Variants in HCN1 observed in about 807,000 individuals in gnomAD.
HCN1 encodes hyperpolarization activated cyclic nucleotide gated potassium channel 1, also known as potassium/sodium hyperpolarization-activated cyclic nucleotide-gated channel 1.
In HCN1, 13 loss-of-function variants were observed where a neutral mutation model predicts 78.9. That is an observed-to-expected ratio of 0.16 (90% CI 0.11 to 0.26). The LOEUF (loss-of-function observed/expected upper bound fraction) is 0.26. HCN1 is among the 10% of genes least tolerant of loss of function. The pLI is 1.00. For synonymous variants in HCN1, 552 were observed against 455.5 expected, an observed-to-expected ratio of 1.21 and a Z score of -2.70; for missense variants, 810 against 1,154.3, an observed-to-expected ratio of 0.70 and a Z score of 4.32.
At chr5:45,362,457 CTTCT>C (rs1747134844) in intron 4 of HCN1, among the ~76,000 whole-genome samples, 1 of 152,066 alleles carries the variant, frequency 6.6e-6, no homozygotes, top group African/African-American at 2.4e-5. Context: ...ATTTTTTCTC[CTTCT>C]GTCTTTATTT....
At chr5:45,597,936 C>T (rs1180935555) in intron 2 of HCN1, among the ~76,000 whole-genome samples, 2 of 152,250 alleles carry the variant, frequency 1.3e-5, no homozygotes, top group East Asian at 3.9e-4. Context: ...AATGGAAGAA[C>T]ATTCCATGCT....
chr5:45,355,610 C>A (rs534943210), intron 4 of HCN1, among the ~76,000 whole-genome samples: 29 of 152,046 alleles, frequency 1.9e-4, no homozygotes, highest in South Asian at 6.2e-4. Flanking sequence ...ATCCTAATGC[C>A]TCTATGTAGG....
chr5:45,418,163 G>A lies in HCN1; in HGVS notation c.1012-21453C>T, dbSNP rs139311521. On this transcript the variant is annotated intron_variant, in intron 3 of 7. Coordinates refer to ENST00000303230, the MANE Select transcript of HCN1 (RefSeq NM_021072.4). The stretch of plus-strand genomic sequence containing the variant: ...TATCAATAGATACAAATGCATTTTC[G>A]TTATTTATCTTTTAATCTTGTCTTG... 3.4e-4 allele frequency among the ~76,000 whole-genome samples: 52 copies of A among 151,672 alleles called. No individual in the cohort carries two copies. In the East Asian group the frequency reaches 3.5e-3, roughly 10 times the overall value.
chr5:45,491,219 T>A (rs1353573562), intron 2 of HCN1, among the ~76,000 whole-genome samples: 1 of 152,110 alleles, frequency 6.6e-6, no homozygotes, highest in Non-Finnish European at 1.5e-5. Flanking sequence ...ATTTTGGAAA[T>A]AAATTTTATA....
intron 2 of HCN1, among the ~76,000 whole-genome samples, chr5:45,471,491 TA>T (rs1175109936): frequency 6.6e-6 from 1 of 151,928 alleles, no homozygotes; most frequent in African/African-American, 2.4e-5. Flanking sequence ...TTTCAACTCT[TA>T]AAAAGTTTAG....
At chr5:45,308,843 A>C (rs1397262678) in intron 5 of HCN1, among the ~76,000 whole-genome samples, 1 of 151,962 alleles carries the variant, frequency 6.6e-6, no homozygotes, top group Non-Finnish European at 1.5e-5. Context: ...TGTCTTGGCT[A>C]TTTGGGCTAG....
rs2696017 is a variant in HCN1, at chr5:45,593,196, G to A, written c.849+51989C>T. ...TTTGTTAGTCCTTACAGTTGCACGC[G>A]CGCATGCACGCACGCGCACACACAC... is the stretch of plus-strand genomic sequence containing the variant. On this transcript the variant is annotated intron_variant, in intron 2 of 7. Transcript: ENST00000303230. Among the ~76,000 whole-genome samples the A allele has an allele frequency of 8.1e-3, 1,123 of 139,130 alleles. 12 individuals are homozygous for A. The highest frequency in any genetic ancestry group is 0.027 in the African/African-American group (1,073 of 39,344). The allele number at this position is 139,130 out of a possible 152,430, so 91.3% of individuals were successfully genotyped here.
chr5:45,465,881 C>T (rs1307767045), intron 2 of HCN1, among the ~76,000 whole-genome samples: 1 of 152,094 alleles, frequency 6.6e-6, no homozygotes, highest in Non-Finnish European at 1.5e-5. Context: ...TTCATGTGAC[C>T]TTAATAAGAA....
intron 4 of HCN1, among the ~76,000 whole-genome samples, chr5:45,374,620 G>A (rs1747560428): frequency 6.7e-6 from 1 of 150,226 alleles, no homozygotes; most frequent in Non-Finnish European, 1.5e-5. Context: ...AAAACTTGGG[G>A]AGGGACTCCT....
chr5:45,330,099 CTTA>C (rs543181903), intron 5 of HCN1, among the ~76,000 whole-genome samples: 1 of 151,192 alleles, frequency 6.6e-6, no homozygotes, highest in Non-Finnish European at 1.5e-5. Context: ...AGGTTTAATT[CTTA>C]TATTACTATG....
At chr5:45,450,371 CAAGTAAGGAGACT>C (rs1561159781) in intron 3 of HCN1, among the ~76,000 whole-genome samples, 1 of 152,158 alleles carries the variant, frequency 6.6e-6, no homozygotes, top group African/African-American at 2.4e-5. Flanking sequence ...GAAGGTAGTA[CAAGTAAGGAGACT>C]GTGGTCTTAG....
intron 4 of HCN1, among the ~76,000 whole-genome samples, chr5:45,356,213 T>A (rs1747004593): frequency 6.6e-6 from 1 of 151,948 alleles, no homozygotes; most frequent in Non-Finnish European, 1.5e-5. Context: ...CTTAGTATAT[T>A]TAGTAGTCAC....
chr5:45,434,977 T>G (rs527680850), intron 3 of HCN1, among the ~76,000 whole-genome samples: 1 of 152,064 alleles, frequency 6.6e-6, no homozygotes, highest in Non-Finnish European at 1.5e-5. Context: ...AAATGTCACT[T>G]GCTATATTGT....
intron 2 of HCN1, among the ~76,000 whole-genome samples, chr5:45,554,591 C>G (rs1447232412): frequency 6.6e-6 from 1 of 151,628 alleles, no homozygotes; most frequent in Non-Finnish European, 1.5e-5. Context: ...AAACAACTAA[C>G]AAAAGCTATT....
At chr5:45,327,058 T>C (rs149665770) in intron 5 of HCN1, among the ~76,000 whole-genome samples, 2 of 151,804 alleles carry the variant, frequency 1.3e-5, no homozygotes, top group East Asian at 3.9e-4. Context: ...AGAGAATTTG[T>C]ATCTCTGCTT....
chr5:45,440,627 G>A (rs76281170), intron 3 of HCN1, among the ~76,000 whole-genome samples: 1,947 of 152,238 alleles, frequency 0.013, 10 homozygotes, highest in Non-Finnish European at 0.018. Flanking sequence ...GTGCTGCTGC[G>A]TGTTGCTCTG....
At chr5:45,284,736 T>A (rs1337209218) in intron 6 of HCN1, among the ~76,000 whole-genome samples, 1 of 152,070 alleles carries the variant, frequency 6.6e-6, no homozygotes, top group Non-Finnish European at 1.5e-5. Flanking sequence ...AAGATCACAA[T>A]GTAGGCCATA....
At chr5:45,374,052 A>ATATTATATACATAATATATATTATATC (rs1561130102) in intron 4 of HCN1, among the ~76,000 whole-genome samples, 6 of 104,822 alleles carry the variant, frequency 5.7e-5, no homozygotes, top group Admixed American at 1.3e-4. Flanking sequence ...TATATTATAT[A>ATATTATATACATAATATATATTATATC]TATTATATAT....
chr5:45,619,581 A>C (rs960078926), intron 2 of HCN1, among the ~76,000 whole-genome samples: 3 of 152,136 alleles, frequency 2.0e-5, no homozygotes, highest in Non-Finnish European at 4.4e-5. Flanking sequence ...GATTTCATTT[A>C]TAGAAGAATT....
Sources: gnomAD v4.1 joint callset for allele counts (sites outside exome capture counted in the v4.1 genomes callset) on GRCh38, gnomAD v4.1.1 for gene constraint, MANE v1.5 for transcripts, NCBI Gene and HGNC (gene_info 2026-07-23, HGNC 2026-07-21) for gene names.